PHACTR1: variants seen among roughly 807,000 people sequenced by gnomAD.
PHACTR1 encodes phosphatase and actin regulator 1, also known as RPEL repeat containing 1.
Under a neutral mutation model 69.2 loss-of-function variants are expected in PHACTR1, and 16 were observed. That is an observed-to-expected ratio of 0.23 (90% CI 0.16 to 0.35). The LOEUF (loss-of-function observed/expected upper bound fraction) is 0.35. Among genes scored for constraint, PHACTR1 ranks in the 10% least tolerant of loss-of-function variants. The probability of loss-of-function intolerance (pLI) is 1.00; values close to 1 mark genes in which losing one functional copy is unlikely to be tolerated. For synonymous variants in PHACTR1, 312 were observed against 284.5 expected (o/e 1.10, Z -0.97); for missense variants, 510 against 734.7 (o/e 0.69, Z 3.54).
intron 11 of PHACTR1, 69 bp from the exon 12 acceptor site, chr6:13,278,199 G>A (rs978866504): frequency 6.8e-7 from 1 of 1,469,524 alleles, no homozygotes; most frequent in Non-Finnish European, 9.3e-7. Flanking sequence ...GCCTGCCAAG[G>A]TCCAAAGGAT....
chr6:12,758,423 G>A (rs542576733), intron 4 of PHACTR1, among the ~76,000 whole-genome samples: 4 of 142,118 alleles, frequency 2.8e-5, no homozygotes, highest in East Asian at 2.1e-4. Context: ...CAGAGACCAC[G>A]CCATTGCCCT....
chr6:13,020,044 G>A (rs1800741714), intron 4 of PHACTR1, among the ~76,000 whole-genome samples: 1 of 152,182 alleles, frequency 6.6e-6, no homozygotes, highest in African/African-American at 2.4e-5. Context: ...AGATAAAGGT[G>A]AGTTTGTTGA....
At chr6:12,882,920 C>A (rs1783242305) in intron 4 of PHACTR1, among the ~76,000 whole-genome samples, 1 of 152,062 alleles carries the variant, frequency 6.6e-6, no homozygotes, top group South Asian at 2.1e-4. Flanking sequence ...TTATGTGCAC[C>A]CATGGAGAAG....
At position 12,994,815 on chromosome 6, in the gene PHACTR1, G is replaced by C. The variant is rs192013504; in HGVS notation, c.251-58550G>C. ...AAACAGTTGGAAATTGTTATGTCTG[G>C]GGAAGTGAGGAACAGGAGACTACTA... On this transcript the variant is annotated intron_variant, in intron 4 of 14. Coordinates refer to ENST00000332995, the MANE Select transcript of PHACTR1 (RefSeq NM_030948.6). Among the ~76,000 whole-genome samples the C allele has an allele frequency of 6.8e-4, 104 of 152,194 alleles. 2 individuals are homozygous for C. Among genetic ancestry groups the C allele is most frequent in the Admixed American group, 6.8e-3 (104 of 15,288 alleles).
chr6:13,130,344 A>C (rs1016507305), intron 5 of PHACTR1, among the ~76,000 whole-genome samples: 7 of 152,126 alleles, frequency 4.6e-5, no homozygotes, highest in Non-Finnish European at 1.0e-4. Context: ...AAACAAAAAA[A>C]ATTACAAAGG....
At chr6:13,003,978 T>TATATATATATATATATAC (rs1331722315) in intron 4 of PHACTR1, among the ~76,000 whole-genome samples, 4 of 123,948 alleles carry the variant, frequency 3.2e-5, no homozygotes, top group African/African-American at 1.5e-4. Flanking sequence ...TATATATATA[T>TATATATATATATATATAC]ACACATATAT....
chr6:12,973,615 C>T (rs1354303152), intron 4 of PHACTR1, among the ~76,000 whole-genome samples: 2 of 152,130 alleles, frequency 1.3e-5, no homozygotes, highest in African/African-American at 4.8e-5. Flanking sequence ...TCTTTTTCAA[C>T]AGGTCAGTGT....
chr6:13,160,143 CT>C, intron 5 of PHACTR1, 60 bp from the exon 6 acceptor site: 2 of 1,448,682 alleles, frequency 1.4e-6, no homozygotes, highest in Non-Finnish European at 1.9e-6. Flanking sequence ...ACATAGGATC[CT>C]TTAGAAGACA....
intron 4 of PHACTR1, among the ~76,000 whole-genome samples, chr6:13,036,766 G>A (rs9473258): frequency 0.012 from 1,859 of 152,282 alleles, 38 homozygotes; most frequent in African/African-American, 0.042. Flanking sequence ...CCTACCTCCA[G>A]CCATGGCTCT....
intron 5 of PHACTR1, among the ~76,000 whole-genome samples, chr6:13,151,374 A>G (rs530258428): frequency 6.6e-6 from 1 of 152,212 alleles, no homozygotes; most frequent in Non-Finnish European, 1.5e-5. Flanking sequence ...CTTCATCAAT[A>G]CTTAAAAGTC....
At chr6:12,772,060 A>G (rs959253806) in intron 4 of PHACTR1, among the ~76,000 whole-genome samples, 9 of 152,224 alleles carry the variant, frequency 5.9e-5, no homozygotes, top group Admixed American at 5.9e-4. Context: ...AAGTAGAGGC[A>G]CTAAAAGTTG....
intron 4 of PHACTR1, among the ~76,000 whole-genome samples, chr6:12,915,506 C>CAAAAAAAAA (rs1225757251): frequency 2.0e-5 from 1 of 50,240 alleles, no homozygotes; most frequent in Non-Finnish European, 4.1e-5. Context: ...AACTCTCTCT[C>CAAAAAAAAA]AAAAAAAAAA....
At chr6:13,006,536 T>A (rs1027038461) in intron 4 of PHACTR1, among the ~76,000 whole-genome samples, 1 of 152,160 alleles carries the variant, frequency 6.6e-6, no homozygotes, top group Non-Finnish European at 1.5e-5. Context: ...TATCTTATGA[T>A]GTTAGTATGA....
At chr6:12,878,826 A>G (rs1326795496) in intron 4 of PHACTR1, among the ~76,000 whole-genome samples, 1 of 152,140 alleles carries the variant, frequency 6.6e-6, no homozygotes, top group Admixed American at 6.5e-5. Context: ...TGTTTATATT[A>G]TACTTTGAAA....
rs1761422828 is a variant in PHACTR1, at chr6:12,716,775, C to G, written c.-403C>G. ...ATCCATCACTTCCCTCTGCTCAGTG[C>G]TCTTGAAGCGAGATTGAAGGGAAAA... is the stretch of plus-strand genomic sequence containing the variant. On this transcript the variant is annotated 5_prime_UTR_variant, in exon 1 of 15. Transcript: ENST00000332995. 6.6e-6 allele frequency: 1 copy of G among 152,212 alleles called. No individual in the cohort carries two copies. Among genetic ancestry groups the G allele is most frequent in the Non-Finnish European group, 1.5e-5 (1 of 68,084 alleles). The allele number at this position is 152,212 out of a possible 1,614,324, so 9.4% of individuals were successfully genotyped here.
At chr6:12,753,357 C>G (rs1408780877) in intron 4 of PHACTR1, among the ~76,000 whole-genome samples, 1 of 152,074 alleles carries the variant, frequency 6.6e-6, no homozygotes, top group Non-Finnish European at 1.5e-5. Context: ...TGGAGGATTA[C>G]CTGATACATA....
At chr6:12,929,794 C>T (rs1478381548) in intron 4 of PHACTR1, among the ~76,000 whole-genome samples, 1 of 152,214 alleles carries the variant, frequency 6.6e-6, no homozygotes, top group Non-Finnish European at 1.5e-5. Context: ...TCAGCCTCTA[C>T]TGAGATTGCT....
chr6:13,071,777 A>G (rs1190952030), intron 5 of PHACTR1, among the ~76,000 whole-genome samples: 2 of 151,718 alleles, frequency 1.3e-5, no homozygotes, highest in East Asian at 3.9e-4. Context: ...TTCTCTGAAA[A>G]CCTCTGTTAA....
intron 5 of PHACTR1, among the ~76,000 whole-genome samples, chr6:13,127,410 C>CA (rs1414840693): frequency 2.0e-5 from 3 of 151,878 alleles, no homozygotes; most frequent in Non-Finnish European, 2.9e-5. Context: ...CTAACAACAA[C>CA]AACAAAAAAA....
Sources: allele counts gnomAD v4.1 joint callset (sites outside exome capture counted in the v4.1 genomes callset), GRCh38; gene constraint gnomAD v4.1.1; transcripts MANE v1.5; gene names NCBI Gene and HGNC (gene_info 2026-07-23, HGNC 2026-07-21).